Variants in CNTLN observed in about 807,000 individuals in gnomAD.
The protein encoded by CNTLN is centlein, also known as centlein, centrosomal protein.
A neutral mutation model predicts 180.0 loss-of-function variants in CNTLN; 212 were observed. The ratio of observed to expected loss-of-function variants is 1.18; its 90% CI spans 1.05 to 1.32. The LOEUF is 1.32. Ranked by LOEUF, CNTLN falls within the 40% of genes most tolerant of loss-of-function variation. CNTLN has a pLI of 0.00. For missense variants in CNTLN, 2,095 were observed against 1,610.9 expected, an observed-to-expected ratio of 1.30 and a Z score of -5.14; for synonymous variants, 722 against 563.1, an observed-to-expected ratio of 1.28 and a Z score of -3.99.
intron 2 of CNTLN, among the ~76,000 whole-genome samples, chr9:17,165,235 T>A (rs1819987174): frequency 6.6e-6 from 1 of 152,096 alleles, no homozygotes; most frequent in South Asian, 2.1e-4. Flanking sequence ...TCATGTGAAG[T>A]GAAAATTTGA....
chr9:17,523,128 T>C, the CNTLN span, among the ~76,000 whole-genome samples: 1 of 152,186 alleles, frequency 6.6e-6, no homozygotes, highest in Non-Finnish European at 1.5e-5. Context: ...TTATGACCAA[T>C]GTTGACACTC....
In CNTLN at chr9:17,163,171, G is replaced by A. The variant is rs368169182; in HGVS notation, c.449+19795G>A. On this transcript the variant is annotated intron_variant, in intron 2 of 25. Transcript: ENST00000380647. ...GACTTGTTCACTATCATAAGAATGG[G>A]GTTGAGGGGCTAAGATTCCTCCCTG... Among the ~76,000 whole-genome samples the A allele has an allele frequency of 1.2e-4, 19 of 152,180 alleles. No homozygotes were observed. The East Asian group carries it at 3.7e-3, about 29-fold the overall frequency.
chr9:17,211,324 A>G (rs1237341291), intron 2 of CNTLN, among the ~76,000 whole-genome samples: 3 of 152,066 alleles, frequency 2.0e-5, no homozygotes, highest in Admixed American at 6.5e-5. Context: ...TCCTTTCCCC[A>G]TTTCTTGTTT....
chr9:17,165,458 G>C lies in CNTLN; in HGVS notation c.449+22082G>C, dbSNP rs184331306. Among the ~76,000 whole-genome samples the C allele has an allele frequency of 3.2e-4, 49 of 152,308 alleles. 1 individual carries two copies. Among genetic ancestry groups the C allele is most frequent in the African/African-American group, 1.2e-3 (48 of 41,580 alleles). ...TTGATAAGTGGTAACTGACTTAGCA[G>C]AATGGGGAAAGTTGAAATACATAGA... On this transcript the variant is annotated intron_variant, in intron 2 of 25. Coordinates refer to ENST00000380647, the MANE Select transcript of CNTLN (RefSeq NM_017738.4).
At chr9:17,157,645 C>G (rs992386922) in intron 2 of CNTLN, among the ~76,000 whole-genome samples, 2 of 152,096 alleles carry the variant, frequency 1.3e-5, no homozygotes, top group Admixed American at 1.3e-4. Flanking sequence ...TGGTGGCCAT[C>G]ATCCGGTCAT....
At chr9:17,468,163 C>T (rs1312064738) in intron 23 of CNTLN, among the ~76,000 whole-genome samples, 1 of 151,636 alleles carries the variant, frequency 6.6e-6, no homozygotes. Flanking sequence ...ACCACATGTT[C>T]TCACTTATAA....
At chr9:17,177,658 T>G (rs950351430) in intron 2 of CNTLN, among the ~76,000 whole-genome samples, 4 of 151,992 alleles carry the variant, frequency 2.6e-5, no homozygotes, top group African/African-American at 9.7e-5. Flanking sequence ...GTGTTACAGC[T>G]CTTAAGGCAG....
chr9:17,287,285 C>T (rs375922593), intron 6 of CNTLN, among the ~76,000 whole-genome samples: 16 of 150,132 alleles, frequency 1.1e-4, no homozygotes, highest in East Asian at 2.0e-4. Context: ...TTGTCTTTGG[C>T]TCTGTTTATA....
At chr9:17,399,696 A>G (rs1167797793) in intron 15 of CNTLN, among the ~76,000 whole-genome samples, 1 of 152,164 alleles carries the variant, frequency 6.6e-6, no homozygotes, top group Non-Finnish European at 1.5e-5. Flanking sequence ...CTCCCAAAAT[A>G]TAGTTGAAGG....
At chr9:17,317,407 A>C (rs769706514) in intron 8 of CNTLN, among the ~76,000 whole-genome samples, 1 of 152,192 alleles carries the variant, frequency 6.6e-6, no homozygotes, top group Non-Finnish European at 1.5e-5. Flanking sequence ...ACAACTCTCC[A>C]TCAATTAATA....
chr9:17,483,889 C>A (rs755347668), intron 23 of CNTLN, among the ~76,000 whole-genome samples: 21 of 152,090 alleles, frequency 1.4e-4, no homozygotes, highest in Non-Finnish European at 2.8e-4. Context: ...GTTTATGTAA[C>A]CATTAAATGA....
chr9:17,435,656 G>A (rs563968265), intron 18 of CNTLN, among the ~76,000 whole-genome samples: 42 of 151,366 alleles, frequency 2.8e-4, no homozygotes, highest in South Asian at 6.3e-4. Context: ...TGTCCACCCC[G>A]GATTCAAGAG....
chr9:17,328,440 A>G (rs113599369), intron 8 of CNTLN, among the ~76,000 whole-genome samples: 1,572 of 152,262 alleles, frequency 0.01, 26 homozygotes, highest in African/African-American at 0.035. Context: ...CCTGAAAACA[A>G]TTGGCTGGAG....
chr9:17,240,249 C>G (rs553662442), intron 5 of CNTLN, among the ~76,000 whole-genome samples: 2 of 152,148 alleles, frequency 1.3e-5, no homozygotes, highest in African/African-American at 4.8e-5. Flanking sequence ...ATTTTCTCTT[C>G]AGATCATTCA....
intron 12 of CNTLN, among the ~76,000 whole-genome samples, chr9:17,350,353 A>C (rs1157634789): frequency 6.6e-6 from 1 of 152,214 alleles, no homozygotes; most frequent in Non-Finnish European, 1.5e-5. Flanking sequence ...TTCTATACTA[A>C]TCTGTAGCCT....
intron 2 of CNTLN, among the ~76,000 whole-genome samples, chr9:17,195,399 T>G (rs1822064661): frequency 6.6e-6 from 1 of 152,190 alleles, no homozygotes; most frequent in African/African-American, 2.4e-5. Context: ...CTTGTATCCT[T>G]TGCTTCTTGA....
At chr9:17,346,522 G>A (rs1821912254) in intron 12 of CNTLN, among the ~76,000 whole-genome samples, 1 of 152,148 alleles carries the variant, frequency 6.6e-6, no homozygotes, top group African/African-American at 2.4e-5. Context: ...CTTAGCAATT[G>A]TTTTTCTTCA....
chr9:17,449,982 A>G (rs1038737541), intron 18 of CNTLN, among the ~76,000 whole-genome samples: 3 of 152,250 alleles, frequency 2.0e-5, no homozygotes, highest in Non-Finnish European at 2.9e-5. Context: ...GAAATATTTA[A>G]ACACAGTTAC....
intron 2 of CNTLN, among the ~76,000 whole-genome samples, chr9:17,186,564 A>T (rs529207106): frequency 6.6e-6 from 1 of 152,166 alleles, no homozygotes; most frequent in Non-Finnish European, 1.5e-5. Flanking sequence ...GTTTAATAGT[A>T]GGTGCTCACT....
Sources: allele counts gnomAD v4.1 joint callset (sites outside exome capture counted in the v4.1 genomes callset), GRCh38; gene constraint gnomAD v4.1.1; transcripts MANE v1.5; gene names NCBI Gene and HGNC (gene_info 2026-07-23, HGNC 2026-07-21).